Variants in PSD4 observed in about 807,000 individuals in gnomAD.
PSD4 encodes the protein pleckstrin and Sec7 domain containing 4.
In PSD4, 59 loss-of-function variants were observed where a neutral mutation model predicts 112.5. That is an observed-to-expected ratio of 0.52 (90% CI 0.43 to 0.65). PSD4 has a LOEUF of 0.65. PSD4 is among the 30% of genes least tolerant of loss of function. The probability of loss-of-function intolerance (pLI) is 0.00; values close to 1 mark genes in which losing one functional copy is unlikely to be tolerated. For synonymous variants in PSD4, 533 were observed against 540.0 expected, an observed-to-expected ratio of 0.99 and a Z score of 0.18; for missense variants, 1,267 against 1,352.6, an observed-to-expected ratio of 0.94 and a Z score of 0.99.
At position 113,207,650 on chromosome 2, in the gene PSD4, G is replaced by T. The variant is rs1022533877; in HGVS notation, c.*6235G>T. ...TTTTTTGTATTTTTAGTAGAGACGG[G>T]GTTTCACCGTGTTAGCCAGGATGGT... On this transcript the variant is annotated 3_prime_UTR_variant, in exon 17 of 17. Transcript: ENST00000245796. 6.6e-6 allele frequency: 1 copy of T among 151,748 alleles called. No homozygotes were observed. Among genetic ancestry groups the T allele is most frequent in the African/African-American group, 2.4e-5 (1 of 41,292 alleles). 9.4% of individuals were successfully genotyped at this position (151,748 alleles called of 1,614,324 possible).
At position 113,198,635 on chromosome 2, in the gene PSD4, T is replaced by C. The variant is rs759845696; in HGVS notation, c.2625-105T>C. 4.6e-4 allele frequency: 626 copies of C among 1,349,072 alleles called. 4 individuals carry two copies. Among genetic ancestry groups the C allele is most frequent in the Admixed American group, 4.0e-4 (16 of 39,538 alleles). 83.6% of individuals were successfully genotyped at this position (1,349,072 alleles called of 1,614,324 possible). A position where few individuals can be genotyped will look rare whatever the true frequency, so the allele number is the denominator to read the frequency against. On this transcript the variant is annotated intron_variant, in intron 14 of 16. Coordinates refer to ENST00000245796, the MANE Select transcript of PSD4 (RefSeq NM_012455.3). The stretch of plus-strand genomic sequence containing the variant: ...AGGGCTGTAACTATGGGAGGCTGAG[T>C]TCTGAGCAGCTGGCCAGCTGTGCAA...
At position 113,202,263 on chromosome 2, in the gene PSD4, G is replaced by A. The variant is rs1234981252; in HGVS notation, c.*848G>A. ...TTGTTCCAACAGAGCAGAGAAGGAG[G>A]TTCTCTATGTTCAGACCACTGGAGA... On this transcript the variant is annotated 3_prime_UTR_variant, in exon 17 of 17. Transcript: ENST00000245796. 6.6e-6 allele frequency: 1 copy of A among 152,286 alleles called. No individual in the cohort carries two copies. The highest frequency in any genetic ancestry group is 1.5e-5 in the Non-Finnish European group (1 of 68,086). 9.4% of individuals were successfully genotyped at this position (152,286 alleles called of 1,614,324 possible).
At position 113,185,435 on chromosome 2, in the gene PSD4, A is replaced by G. The variant is rs984926138; in HGVS notation, c.1244A>G (p.Asp415Gly). 1.2e-5 allele frequency: 19 copies of G among 1,614,052 alleles called. No individual in the cohort carries two copies. The Middle Eastern group carries it at 4.9e-4, about 42-fold the overall frequency. The change falls in exon 4 of 17, where the codon GAC becomes GGC. Residue 415 changes from aspartate (D) to glycine (G), a missense_variant. Coordinates refer to ENST00000245796, the MANE Select transcript of PSD4 (RefSeq NM_012455.3). ...FWPQVTLNSQ[D>G]RDEREGGHPQ... ...CCCCAGGTGACTCTTAACTCCCAGG[A>G]CAGAGGTGAGCCCTAATAAGGGGGT...
chr2:113,193,117 C>T lies in PSD4; in HGVS notation c.1908C>T (p.Asp636=), dbSNP rs747286987. The change falls in exon 7 of 17, where the codon GAC becomes GAT. Residue 636 remains aspartate, a synonymous_variant. Transcript: ENST00000245796. The part of the protein sequence containing the change: ...SFFQFGGQSL[D]RALRSFLQAL... ...TCCAGTTTGGAGGCCAGAGTCTGGA[C>T]CGAGCCCTCCGGTAATGTCTTTGGG... The T allele has an allele frequency of 6.2e-7, 1 of 1,613,976 alleles. No homozygotes were observed. The highest frequency in any genetic ancestry group is 1.1e-5 in the South Asian group (1 of 91,076).
intron 1 of PSD4, among the ~76,000 whole-genome samples, chr2:113,179,192 C>T (rs1688057041): frequency 6.6e-6 from 1 of 152,142 alleles, no homozygotes; most frequent in African/African-American, 2.4e-5. Context: ...CCTGAGGCTC[C>T]TCATCCCTTC....
chr2:113,181,221 C>A (rs1688128905), intron 1 of PSD4, among the ~76,000 whole-genome samples: 1 of 127,712 alleles, frequency 7.8e-6, no homozygotes, highest in South Asian at 2.6e-4. Flanking sequence ...GAGCGAGACT[C>A]TGTCTCAAAA....
intron 1 of PSD4, among the ~76,000 whole-genome samples, chr2:113,179,427 A>G (rs1166128528): frequency 2.0e-5 from 3 of 152,216 alleles, no homozygotes; most frequent in Non-Finnish European, 2.9e-5. Flanking sequence ...CTGTTAATGG[A>G]AAGGGATTCC....
Position 113,193,972 on chromosome 2 carries a change from T to C in PSD4, c.2181+24T>C, listed in dbSNP as rs533178786. 3 of 1,606,924 alleles carry C rather than the reference T, an allele frequency of 1.9e-6. No homozygotes were observed. The African/African-American group carries it at 4.0e-5, about 21-fold the overall frequency. ...AGGTATGTGCCACGGGGTCTTCTTA[T>C]GAGCCTCATGTAGGACCTGGAGCCT... On this transcript the variant is annotated intron_variant, in intron 10 of 16. Coordinates refer to ENST00000245796, the MANE Select transcript of PSD4 (RefSeq NM_012455.3).
rs1204912815 is a variant in PSD4, at chr2:113,197,811, G to T, written c.2522G>T (p.Gly841Val). The change falls in exon 14 of 17, where the codon GGG becomes GTG. Residue 841 changes from glycine to valine, a missense_variant. Gly to Val is a moderately radical substitution (Grantham distance 109). Coordinates refer to ENST00000245796, the MANE Select transcript of PSD4 (RefSeq NM_012455.3). ...GGGCAGATGGTGGATGAGCCCGTGGGGGTGCACCACTCGCTGGCCACCCCC... is the reference window on the plus strand; with the variant it reads ...GGGCAGATGGTGGATGAGCCCGTGGTGGTGCACCACTCGCTGGCCACCCCC... Reference protein sequence around the residue: ...LVGQMVDEPVGVHHSLATPAT... With the variant: ...LVGQMVDEPVVVHHSLATPAT... 3 of 1,611,454 alleles carry T rather than the reference G, an allele frequency of 1.9e-6. No individual in the cohort carries two copies. The highest frequency in any genetic ancestry group is 2.7e-5 in the African/African-American group (2 of 74,866).
At position 113,186,116 on chromosome 2, in the gene PSD4, G is replaced by A. The variant is rs1688293408; in HGVS notation, c.1489G>A (p.Gly497Arg). 1 of 1,614,220 alleles carries A rather than the reference G, an allele frequency of 6.2e-7. No homozygotes were observed. The highest frequency in any genetic ancestry group is 8.5e-7 in the Non-Finnish European group (1 of 1,180,046). Residue 497 changes from glycine to arginine, a missense_variant, in exon 5 of 17, where the codon GGG becomes AGG. By Grantham distance (125) the Gly-to-Arg change is moderately radical. Around this residue, in one of 2 missense-constraint regions of PSD4, gnomAD observed 723 missense variants for 704.0 expected, o/e 1.03. Coordinates refer to ENST00000245796, the MANE Select transcript of PSD4 (RefSeq NM_012455.3). ...ASQSSLLETD[G>R]EQPSSLKKKE... ...ACAGTCTTCACTCTTGGAGACGGAT[G>A]GGGAACAGCCAAGTTCCTTGAAGAA...
At position 113,199,163 on chromosome 2, in the gene PSD4, G is replaced by A. The variant is rs969779562; in HGVS notation, c.2850G>A (p.Glu950=). The change falls in exon 16 of 17, where the codon GAG becomes GAA. Residue 950 remains glutamate, a synonymous_variant. Transcript: ENST00000245796. ...TGGATCTACAGAGGAACCTGCCGGA[G>A]CGGCGGGGCCGTGGCCGCGAGCTGG... is the stretch of plus-strand genomic sequence containing the variant. ...DLLDLQRNLP[E]RRGRGRELEE... The A allele has an allele frequency of 6.6e-7, 1 of 1,524,986 alleles. No homozygotes were observed. The highest frequency in any genetic ancestry group is 2.0e-5 in the Admixed American group (1 of 48,844). 94.5% of individuals were successfully genotyped at this position (1,524,986 alleles called of 1,614,324 possible).
Position 113,201,746 on chromosome 2 carries a change from T to G in PSD4, c.*331T>G. 2.9e-6 allele frequency: 1 copy of G among 349,410 alleles called. No homozygotes were observed. The highest frequency in any genetic ancestry group is 5.4e-6 in the Non-Finnish European group (1 of 186,620). The allele number at this position is 349,410 out of a possible 1,614,324, so 21.6% of individuals were successfully genotyped here. Reference sequence around the variant, plus strand: ...GCCCCAGAATCCAGAGTGGCCTCATTTCCTAGACTTGCTGAGAACTCAGCA... The same window carrying G: ...GCCCCAGAATCCAGAGTGGCCTCATGTCCTAGACTTGCTGAGAACTCAGCA... On this transcript the variant is annotated 3_prime_UTR_variant, in exon 17 of 17. Transcript: ENST00000245796.
intron 5 of PSD4, among the ~76,000 whole-genome samples, chr2:113,188,338 G>C (rs902390192): frequency 6.6e-6 from 1 of 151,604 alleles, no homozygotes; most frequent in East Asian, 1.9e-4. Flanking sequence ...CTGCCTCCCG[G>C]GTTCAAGTGA....
chr2:113,182,286 C>A, intron 1 of PSD4, 60 bp from the exon 2 acceptor site: 1 of 634,358 alleles, frequency 1.6e-6, no homozygotes. Flanking sequence ...ACACACTACA[C>A]ACGTGCCTCC....
intron 14 of PSD4, 83 bp downstream of exon 14, chr2:113,197,996 T>C (rs1688661432): frequency 7.2e-7 from 1 of 1,391,094 alleles, no homozygotes; most frequent in African/African-American, 1.5e-5. Context: ...CACCTGAGGC[T>C]TGTGGGCCCC....
intron 14 of PSD4, chr2:113,198,457 A>T (rs1688673845): frequency 1.1e-5 from 4 of 351,036 alleles, no homozygotes; most frequent in Non-Finnish European, 2.0e-5. Context: ...TTTTTAGTAG[A>T]GACGGGGTTT....
At chr2:113,176,320 G>A (rs970280400) in intron 1 of PSD4, among the ~76,000 whole-genome samples, 1 of 152,196 alleles carries the variant, frequency 6.6e-6, no homozygotes, top group Non-Finnish European at 1.5e-5. Flanking sequence ...CAGGTGGGAG[G>A]GACTCTGCCT....
Position 113,182,517 on chromosome 2 carries a change from T to C in PSD4, c.61T>C (p.Leu21=), listed in dbSNP as rs1688165973. 2 of 1,614,126 alleles carry C rather than the reference T, an allele frequency of 1.2e-6. No individual in the cohort carries two copies. The highest frequency in any genetic ancestry group is 4.5e-5 in the East Asian group (2 of 44,876). ...GCCCATGGAAATTCTCAACCTGTAC[T>C]TGGGAGACAGCCTGGAGCCCCACCC... ...PQPMEILNLY[L]GDSLEPHPGE... Residue 21 remains leucine, a synonymous_variant, in exon 2 of 17, where the codon TTG becomes CTG. Coordinates refer to ENST00000245796, the MANE Select transcript of PSD4 (RefSeq NM_012455.3).
intron 10 of PSD4, 91 bp from the exon 11 acceptor site, chr2:113,195,636 C>T: frequency 1.4e-6 from 2 of 1,427,414 alleles, no homozygotes; most frequent in African/African-American, 2.8e-5. Context: ...GCAGGCTGTA[C>T]ACATGCCCCT....
Sources: allele counts gnomAD v4.1 joint callset (sites outside exome capture counted in the v4.1 genomes callset), GRCh38; gene constraint gnomAD v4.1.1; regional missense constraint gnomAD v4.1.1; transcripts MANE v1.5; gene names NCBI Gene and HGNC (gene_info 2026-07-23, HGNC 2026-07-21).